RXFP2: variants seen among roughly 807,000 people sequenced by gnomAD.
The protein encoded by RXFP2 is relaxin family peptide receptor 2.
RXFP2 carries 68 observed loss-of-function variants against 88.6 expected under a neutral mutation model. The observed-to-expected ratio is 0.77, with a 90% CI of 0.63 to 0.94. RXFP2 has a LOEUF of 0.94. RXFP2 is among the 40% of genes least tolerant of loss of function. The pLI, the probability that RXFP2 is intolerant of heterozygous loss-of-function variation, is 0.00. For synonymous variants in RXFP2, 329 were observed against 306.8 expected (o/e 1.07, Z -0.76); for missense variants, 791 against 893.9 (o/e 0.88, Z 1.47).
At chr13:31,758,519 G>C in intron 2 of RXFP2, 115 bp downstream of exon 2, 1 of 1,274,128 alleles carries the variant, frequency 7.8e-7, no homozygotes, top group Non-Finnish European at 1.1e-6. Flanking sequence ...TGTTCTGTAG[G>C]GATTTCCTTT....
chr13:31,797,037 C>A (rs1325163187), intron 16 of RXFP2, among the ~76,000 whole-genome samples, 164 bp from the exon 17 acceptor site: 1 of 152,124 alleles, frequency 6.6e-6, no homozygotes, highest in Non-Finnish European at 1.5e-5. Context: ...ACTTGGGAAC[C>A]ATTTCCAAGA....
intron 11 of RXFP2, 25 bp from the exon 12 acceptor site, chr13:31,786,358 T>C (rs1177803022): frequency 6.6e-7 from 1 of 1,508,062 alleles, no homozygotes. Context: ...AAGTAATTGC[T>C]TTGGGTTTTC....
chr13:31,775,230 AATC>A (rs1872893093), intron 6 of RXFP2, 85 bp from the exon 7 acceptor site: 1 of 1,055,924 alleles, frequency 9.5e-7, no homozygotes, highest in Non-Finnish European at 1.5e-6. Flanking sequence ...CCATATCCAT[AATC>A]ATCATCAGTG....
At chr13:31,743,056 T>TA (rs1390346652) in intron 1 of RXFP2, among the ~76,000 whole-genome samples, 4 of 152,210 alleles carry the variant, frequency 2.6e-5, no homozygotes, top group Admixed American at 6.5e-5. Flanking sequence ...GCATGTATTT[T>TA]AAAAAATTAA....
In RXFP2 at chr13:31,756,897, G is replaced by A. The variant is rs543180476; in HGVS notation, c.95-1361G>A. ...CGGCCTCAAAGTGCTGGGATTACAG[G>A]CGTGAGCTACTGCACCTGGACAGGA... On this transcript the variant is annotated intron_variant, in intron 1 of 17. Transcript: ENST00000298386. Among the ~76,000 whole-genome samples, 10 of 152,154 alleles carry A rather than the reference G, an allele frequency of 6.6e-5. No homozygotes were observed. The South Asian group carries it at 2.1e-3, about 32-fold the overall frequency.
Position 31,802,618 on chromosome 13 carries a change from C to A in RXFP2, c.*213C>A. On this transcript the variant is annotated 3_prime_UTR_variant, in exon 18 of 18. Transcript: ENST00000298386. ...GCACCAAAGGTTCCTCTCCTCACCC[C>A]ACATGCCTGAAAAGCACATGTGAAT... 1.7e-6 allele frequency: 1 copy of A among 582,896 alleles called. No homozygotes were observed. Among genetic ancestry groups the A allele is most frequent in the Admixed American group, 2.9e-5 (1 of 34,164 alleles). The allele number at this position is 582,896 out of a possible 1,614,324, so 36.1% of individuals were successfully genotyped here. A position where few individuals can be genotyped will look rare whatever the true frequency, so the allele number is the denominator to read the frequency against.
At chr13:31,797,497 G>A in intron 17 of RXFP2, 78 bp downstream of exon 17, 1 of 1,005,402 alleles carries the variant, frequency 9.9e-7, no homozygotes, top group South Asian at 1.3e-5. Flanking sequence ...CAGAGTCTAG[G>A]ACACATAATA....
At position 31,802,500 on chromosome 13, in the gene RXFP2, C is replaced by T. The variant is rs1407738310; in HGVS notation, c.*95C>T. On this transcript the variant is annotated 3_prime_UTR_variant, in exon 18 of 18. Coordinates refer to ENST00000298386, the MANE Select transcript of RXFP2 (RefSeq NM_130806.5). ...CTGCAATGCTTTTCATCTTTACCAA[C>T]GGCAAGCCTTTCTGCACAGAGAGCA... 2.2e-5 allele frequency: 30 copies of T among 1,340,026 alleles called. No individual in the cohort carries two copies. Among genetic ancestry groups the T allele is most frequent in the Non-Finnish European group, 2.5e-5 (24 of 942,558 alleles). 83.0% of individuals were successfully genotyped at this position (1,340,026 alleles called of 1,614,324 possible). A position where few individuals can be genotyped will look rare whatever the true frequency, so the allele number is the denominator to read the frequency against.
chr13:31,750,347 C>T (rs1487741075), intron 1 of RXFP2, among the ~76,000 whole-genome samples: 1 of 152,064 alleles, frequency 6.6e-6, no homozygotes. Flanking sequence ...GTCTTTTCTT[C>T]TGTAGGTATA....
At chr13:31,793,509 C>G (rs1366702218) in intron 16 of RXFP2, among the ~76,000 whole-genome samples, 1 of 150,694 alleles carries the variant, frequency 6.6e-6, no homozygotes, top group African/African-American at 2.4e-5. Context: ...TAAGAGATAT[C>G]TGAATGGAAA....
chr13:31,775,082 C>T (rs1009815298), intron 6 of RXFP2, among the ~76,000 whole-genome samples: 2 of 152,128 alleles, frequency 1.3e-5, no homozygotes, highest in African/African-American at 2.4e-5. Context: ...ATGTAATATC[C>T]CAAAACATTT....
Position 31,786,601 on chromosome 13 carries a change from A to G in RXFP2, c.1037A>G (p.Lys346Arg), listed in dbSNP as rs1238994247. ...TCCAATCCTCTTATGTATCTTCACA[A>G]GAACCAGTTTGAAAGTCTTAAACAA... Reference protein sequence around the residue: ...LSSNPLMYLHKNQFESLKQLQ... With the variant: ...LSSNPLMYLHRNQFESLKQLQ... The change falls in exon 13 of 18, where the codon AAG becomes AGG. Residue 346 changes from lysine to arginine, a missense_variant. Coordinates refer to ENST00000298386, the MANE Select transcript of RXFP2 (RefSeq NM_130806.5). 6.2e-7 allele frequency: 1 copy of G among 1,606,370 alleles called. No individual in the cohort carries two copies. The highest frequency in any genetic ancestry group is 8.5e-7 in the Non-Finnish European group (1 of 1,173,530).
intron 2 of RXFP2, among the ~76,000 whole-genome samples, 197 bp downstream of exon 2, chr13:31,758,601 G>A (rs1308666193): frequency 6.6e-6 from 1 of 152,034 alleles, no homozygotes; most frequent in African/African-American, 2.4e-5. Context: ...GGTTACTTAA[G>A]TCAGAAATAC....
At chr13:31,777,973 A>G (rs1376834765) in intron 8 of RXFP2, among the ~76,000 whole-genome samples, 1 of 152,166 alleles carries the variant, frequency 6.6e-6, no homozygotes, top group East Asian at 1.9e-4. Context: ...AACTGATCAT[A>G]TAACATCATT....
At position 31,779,282 on chromosome 13, in the gene RXFP2, G is replaced by A. The variant is rs190644649; in HGVS notation, c.785+699G>A. 5.3e-5 allele frequency among the ~76,000 whole-genome samples: 8 copies of A among 151,818 alleles called. No homozygotes were observed. In the East Asian group the frequency reaches 1.4e-3, roughly 26 times the overall value. ...CTGGGATTACAGGCATGCACCACCAGGCCTGGCTAATTTTTATATTTTTAG... is the reference window on the plus strand; with the variant it reads ...CTGGGATTACAGGCATGCACCACCAAGCCTGGCTAATTTTTATATTTTTAG... On this transcript the variant is annotated intron_variant, in intron 9 of 17. Coordinates refer to ENST00000298386, the MANE Select transcript of RXFP2 (RefSeq NM_130806.5).
At chr13:31,784,458 A>G (rs1224926339) in intron 11 of RXFP2, among the ~76,000 whole-genome samples, 2 of 152,322 alleles carry the variant, frequency 1.3e-5, no homozygotes, top group South Asian at 4.1e-4. Flanking sequence ...TGAGACCCCC[A>G]AAGTCCTTTC....
At chr13:31,777,997 T>C (rs781589459) in intron 8 of RXFP2, among the ~76,000 whole-genome samples, 2 of 152,214 alleles carry the variant, frequency 1.3e-5, no homozygotes, top group Non-Finnish European at 2.9e-5. Flanking sequence ...TTTCCATTTG[T>C]CAAAAGGAAC....
intron 5 of RXFP2, among the ~76,000 whole-genome samples, chr13:31,767,291 C>G (rs943817427): frequency 6.6e-6 from 1 of 152,140 alleles, no homozygotes; most frequent in Non-Finnish European, 1.5e-5. Context: ...CTGTAAACCC[C>G]GGCTGCTCTC....
chr13:31,788,615 A>G (rs1375331878), intron 13 of RXFP2, among the ~76,000 whole-genome samples: 1 of 152,166 alleles, frequency 6.6e-6, no homozygotes, highest in Non-Finnish European at 1.5e-5. Context: ...TCTAAGACAT[A>G]CCACTGGTGT....
Sources: gnomAD v4.1 joint callset for allele counts (sites outside exome capture counted in the v4.1 genomes callset) on GRCh38, gnomAD v4.1.1 for gene constraint, MANE v1.5 for transcripts, NCBI Gene and HGNC (gene_info 2026-07-23, HGNC 2026-07-21) for gene names.